The following GRID2 variants were observed in gnomAD, a reference collection of about 807,000 sequenced individuals.
GRID2 encodes glutamate ionotropic receptor delta type subunit 2.
GRID2 carries 33 observed loss-of-function variants against 114.8 expected under a neutral mutation model. That is an observed-to-expected ratio of 0.29 (90% CI 0.22 to 0.38). The LOEUF (loss-of-function observed/expected upper bound fraction) is 0.38. GRID2 is among the 10% of genes least tolerant of loss of function. The pLI is 1.00. For missense variants in GRID2, 1,184 were observed against 1,257.7 expected, an observed-to-expected ratio of 0.94 and a Z score of 0.89; for synonymous variants, 505 against 449.9, an observed-to-expected ratio of 1.12 and a Z score of -1.55.
chr4:93,335,888 C>T (rs1370291868), intron 8 of GRID2, among the ~76,000 whole-genome samples: 6 of 151,982 alleles, frequency 3.9e-5, no homozygotes, highest in African/African-American at 1.4e-4. Flanking sequence ...CAGGGTTTCA[C>T]CAAGTTTTCT....
chr4:92,964,633 A>G (rs1753020916), intron 2 of GRID2, among the ~76,000 whole-genome samples: 1 of 152,076 alleles, frequency 6.6e-6, no homozygotes, highest in South Asian at 2.1e-4. Context: ...TGTAGCTTCT[A>G]CATCAGCACT....
chr4:93,268,322 C>T (rs928468593), intron 8 of GRID2, among the ~76,000 whole-genome samples: 10 of 152,104 alleles, frequency 6.6e-5, no homozygotes, highest in Non-Finnish European at 5.9e-5. Context: ...AGAGAATGAG[C>T]TTTTTGGTCT....
chr4:92,600,341 T>G (rs778902161), intron 2 of GRID2, among the ~76,000 whole-genome samples: 5 of 151,744 alleles, frequency 3.3e-5, no homozygotes, highest in African/African-American at 4.8e-5. Context: ...GATTAAAAAT[T>G]AATACACAAA....
chr4:92,840,511 C>T (rs1433681289), intron 2 of GRID2, among the ~76,000 whole-genome samples: 1 of 151,890 alleles, frequency 6.6e-6, no homozygotes, highest in Non-Finnish European at 1.5e-5. Flanking sequence ...CAATTATTCC[C>T]AAACTCCAGA....
chr4:92,332,254 G>A (rs1465255022), intron 1 of GRID2, among the ~76,000 whole-genome samples: 2 of 152,088 alleles, frequency 1.3e-5, no homozygotes, highest in South Asian at 4.1e-4. Context: ...TCTTCTTGCA[G>A]CATCATCTAA....
At chr4:92,324,738 T>A (rs1445290961) in intron 1 of GRID2, among the ~76,000 whole-genome samples, 1 of 151,956 alleles carries the variant, frequency 6.6e-6, no homozygotes, top group African/African-American at 2.4e-5. Flanking sequence ...ATTCAAATTA[T>A]AGTGAAAATC....
chr4:93,391,580 A>G (rs1328099555), intron 8 of GRID2, among the ~76,000 whole-genome samples: 1 of 152,110 alleles, frequency 6.6e-6, no homozygotes, highest in East Asian at 1.9e-4. Context: ...TTCAATTAAG[A>G]TCTCCCCTGA....
rs768992597 is a variant in GRID2 at position 92,990,283 on chromosome 4, G to GTATATATATATATATA, written c.245-94711_245-94710insATATATATATATATAT. ...TATATATATATGTACGTAGATATGTGTGTGTATATATATATATATATATGT... is the reference window on the plus strand; with the variant it reads ...TATATATATATGTACGTAGATATGTGTATATATATATATATATGTGTATATATATATATATATATGT... On this transcript the variant is annotated intron_variant, in intron 2 of 15. Transcript: ENST00000282020. Among the ~76,000 whole-genome samples the GTATATATATATATATA allele has an allele frequency of 2.6e-4, 13 of 49,122 alleles. No homozygotes were observed. In the East Asian group the frequency reaches 3.5e-3, roughly 13 times the overall value. 32.2% of individuals were successfully genotyped at this position (49,122 alleles called of 152,430 possible).
intron 8 of GRID2, among the ~76,000 whole-genome samples, chr4:93,253,901 ACTT>A (rs1235174283): frequency 1.3e-5 from 2 of 152,024 alleles, no homozygotes; most frequent in African/African-American, 4.8e-5. Flanking sequence ...CTATTTCTCT[ACTT>A]CTTTTCCCTC....
At chr4:92,428,650 T>C (rs1337437727) in intron 1 of GRID2, among the ~76,000 whole-genome samples, 1 of 152,212 alleles carries the variant, frequency 6.6e-6, no homozygotes, top group African/African-American at 2.4e-5. Context: ...GTAAGTAAAC[T>C]AACTTACATT....
intron 2 of GRID2, among the ~76,000 whole-genome samples, chr4:92,649,857 C>T (rs942312068): frequency 6.6e-5 from 10 of 151,868 alleles, no homozygotes; most frequent in Admixed American, 3.3e-4. Context: ...AGATGCTCTT[C>T]GACTGGTGAT....
At chr4:92,756,782 T>A (rs1289957487) in intron 2 of GRID2, among the ~76,000 whole-genome samples, 1 of 152,104 alleles carries the variant, frequency 6.6e-6, no homozygotes, top group Non-Finnish European at 1.5e-5. Context: ...TGTATTTAGA[T>A]CTTTTGCGCA....
chr4:93,480,979 GCC>G lies in GRID2; in HGVS notation c.1859-9659_1859-9658del, dbSNP rs1187659756. Among the ~76,000 whole-genome samples the G allele has an allele frequency of 2.6e-5, 4 of 152,006 alleles. No homozygotes were observed. In the East Asian group the frequency reaches 7.8e-4, roughly 30 times the overall value. On this transcript the variant is annotated intron_variant, in intron 11 of 15. Transcript: ENST00000282020. ...GCATTTTTGGTTCATTCTTTAATTA[GCC>G]AATCTAATGAATTACTACCACCCCC...
intron 2 of GRID2, among the ~76,000 whole-genome samples, chr4:92,920,321 T>C (rs1749203408): frequency 6.6e-6 from 1 of 152,238 alleles, no homozygotes; most frequent in Non-Finnish European, 1.5e-5. Flanking sequence ...ACTGTGTGTT[T>C]TAATTGGAGC....
chr4:93,585,707 C>G (rs1390936631), intron 13 of GRID2, among the ~76,000 whole-genome samples: 2 of 152,042 alleles, frequency 1.3e-5, no homozygotes, highest in African/African-American at 4.8e-5. Context: ...ACCTTTCAAA[C>G]TGGTATCTTA....
intron 14 of GRID2, among the ~76,000 whole-genome samples, chr4:93,707,473 C>T (rs1728107331): frequency 6.6e-6 from 1 of 151,946 alleles, no homozygotes; most frequent in Non-Finnish European, 1.5e-5. Context: ...TCCAGATTTT[C>T]CAATTTGTTG....
chr4:92,788,286 A>G (rs1178439286), intron 2 of GRID2, among the ~76,000 whole-genome samples: 1 of 151,892 alleles, frequency 6.6e-6, no homozygotes, highest in Non-Finnish European at 1.5e-5. Context: ...GTCAACAATC[A>G]GAATCAGAAA....
intron 12 of GRID2, among the ~76,000 whole-genome samples, chr4:93,509,971 C>G (rs1729006691): frequency 6.6e-6 from 1 of 152,160 alleles, no homozygotes; most frequent in Non-Finnish European, 1.5e-5. Flanking sequence ...GTAACAATAT[C>G]TGTCCTTTGA....
intron 14 of GRID2, among the ~76,000 whole-genome samples, chr4:93,635,681 T>C (rs1295049512): frequency 6.6e-6 from 1 of 152,084 alleles, no homozygotes; most frequent in Non-Finnish European, 1.5e-5. Context: ...TCCTGAATCC[T>C]TGTGGAGCTA....
Sources: gnomAD v4.1 joint callset for allele counts (sites outside exome capture counted in the v4.1 genomes callset) on GRCh38, gnomAD v4.1.1 for gene constraint, MANE v1.5 for transcripts, NCBI Gene and HGNC (gene_info 2026-07-23, HGNC 2026-07-21) for gene names.